The following COMMD10 variants were observed in gnomAD, a reference collection of about 807,000 sequenced individuals.
The protein encoded by COMMD10 is COMM domain containing 10.
In COMMD10, 33 loss-of-function variants were observed where a neutral mutation model predicts 28.9. The ratio of observed to expected loss-of-function variants is 1.14; its 90% CI spans 0.87 to 1.53. The LOEUF (loss-of-function observed/expected upper bound fraction) is 1.53. COMMD10 is among the 40% of genes most tolerant of loss of function. The pLI is 0.00. For synonymous variants in COMMD10, 110 were observed against 81.7 expected (o/e 1.35, Z -1.87); for missense variants, 310 against 233.4 (o/e 1.33, Z -2.14).
chr5:116,179,612 G>C (rs1747877681), intron 5 of COMMD10, among the ~76,000 whole-genome samples: 1 of 152,116 alleles, frequency 6.6e-6, no homozygotes, highest in Non-Finnish European at 1.5e-5. Flanking sequence ...CCTAATGAGA[G>C]TAGAAGGTAT....
chr5:116,256,736 CAT>C (rs1750297758), intron 5 of COMMD10, among the ~76,000 whole-genome samples: 1 of 151,698 alleles, frequency 6.6e-6, no homozygotes, highest in Non-Finnish European at 1.5e-5. Flanking sequence ...ATATCATAAA[CAT>C]ATAGGTTGAA....
At chr5:116,122,746 G>A (rs1408670058) in intron 4 of COMMD10, among the ~76,000 whole-genome samples, 3 of 152,114 alleles carry the variant, frequency 2.0e-5, no homozygotes, top group African/African-American at 7.2e-5. Context: ...TGAAGCAATT[G>A]TGAATGGGAG....
chr5:116,143,702 A>C (rs989160477), intron 5 of COMMD10, among the ~76,000 whole-genome samples: 2 of 151,900 alleles, frequency 1.3e-5, no homozygotes, highest in African/African-American at 4.8e-5. Context: ...AAGTATTAAC[A>C]ATGAATTAGA....
intron 5 of COMMD10, among the ~76,000 whole-genome samples, chr5:116,254,802 T>C (rs1325731158): frequency 2.0e-5 from 3 of 151,662 alleles, no homozygotes; most frequent in Admixed American, 6.6e-5. Flanking sequence ...GTTCTGTAGA[T>C]GTCTATTAGG....
At chr5:116,114,775 G>A (rs918673579) in intron 4 of COMMD10, among the ~76,000 whole-genome samples, 5 of 152,166 alleles carry the variant, frequency 3.3e-5, no homozygotes, top group Admixed American at 1.3e-4. Context: ...CTCAGTCCTG[G>A]TGGGGCTTCC....
At chr5:116,248,522 G>C (rs766923207) in intron 5 of COMMD10, among the ~76,000 whole-genome samples, 1 of 151,900 alleles carries the variant, frequency 6.6e-6, no homozygotes, top group Non-Finnish European at 1.5e-5. Flanking sequence ...CCCTAGTTAG[G>C]TATCAAAATA....
At chr5:116,207,274 T>C (rs77269324) in intron 5 of COMMD10, among the ~76,000 whole-genome samples, 2,278 of 152,294 alleles carry the variant, frequency 0.015, 54 homozygotes, top group African/African-American at 0.048. Context: ...TATATCAATA[T>C]GAACTGCATT....
intron 5 of COMMD10, among the ~76,000 whole-genome samples, chr5:116,219,069 G>C (rs1749177050): frequency 6.6e-6 from 1 of 152,112 alleles, no homozygotes; most frequent in African/African-American, 2.4e-5. Flanking sequence ...CTTTAATAGA[G>C]AAAACCTATG....
chr5:116,089,699 G>T (rs6896147), intron 2 of COMMD10, among the ~76,000 whole-genome samples: 1 of 152,042 alleles, frequency 6.6e-6, no homozygotes, highest in African/African-American at 2.4e-5. Context: ...GTGGAGAGGA[G>T]AAGAGGTGCT....
intron 4 of COMMD10, among the ~76,000 whole-genome samples, chr5:116,102,763 C>T (rs7442623): frequency 0.51 from 77,657 of 151,738 alleles, 22,129 homozygotes; most frequent in Non-Finnish European, 0.65. Flanking sequence ...GTTTGCTGCA[C>T]CCATCAACCC....
chr5:116,113,406 G>C (rs1751126025), intron 4 of COMMD10, among the ~76,000 whole-genome samples: 1 of 134,406 alleles, frequency 7.4e-6, no homozygotes, highest in African/African-American at 2.9e-5. Flanking sequence ...GATTTTTGAT[G>C]TTTCTGTCCC....
At position 116,211,399 on chromosome 5, in the gene COMMD10, T is replaced by A. The variant is rs552592237; in HGVS notation, c.510+77221T>A. On this transcript the variant is annotated intron_variant, in intron 5 of 6. Transcript: ENST00000274458. ...CTGTGCTGAATACTATAGGCAATTG[T>A]AAAACAGTGGTAAGTATTTGTATAT... 3.3e-5 allele frequency among the ~76,000 whole-genome samples: 5 copies of A among 152,234 alleles called. No individual in the cohort carries two copies. In the South Asian group the frequency reaches 1.0e-3, roughly 32 times the overall value.
intron 4 of COMMD10, among the ~76,000 whole-genome samples, chr5:116,133,091 T>C (rs1383155970): frequency 3.3e-5 from 5 of 152,152 alleles, no homozygotes; most frequent in Non-Finnish European, 7.4e-5. Context: ...CAAGGAAAAA[T>C]TGTGAGCCTG....
chr5:116,248,980 G>C (rs933245339), intron 5 of COMMD10, among the ~76,000 whole-genome samples: 1 of 151,912 alleles, frequency 6.6e-6, no homozygotes, highest in Non-Finnish European at 1.5e-5. Context: ...ACAGTAAATG[G>C]TACTGTGCCC....
intron 4 of COMMD10, among the ~76,000 whole-genome samples, chr5:116,108,931 TCC>T: frequency 6.6e-6 from 1 of 152,060 alleles, no homozygotes; most frequent in Non-Finnish European, 1.5e-5. Flanking sequence ...TCTTACGGCT[TCC>T]CTTGGCTGGG....
At chr5:116,165,155 G>GAAA (rs1434006108) in intron 5 of COMMD10, among the ~76,000 whole-genome samples, 1 of 152,198 alleles carries the variant, frequency 6.6e-6, no homozygotes, top group Non-Finnish European at 1.5e-5. Context: ...ATTGAGCAAT[G>GAAA]AAAAGGAATT....
chr5:116,111,337 T>C (rs1181161119), intron 4 of COMMD10, among the ~76,000 whole-genome samples: 2 of 152,166 alleles, frequency 1.3e-5, no homozygotes, highest in Non-Finnish European at 2.9e-5. Flanking sequence ...CTTGCTTTTC[T>C]AGTTCCTTTA....
At chr5:116,169,407 T>A (rs769239238) in intron 5 of COMMD10, among the ~76,000 whole-genome samples, 5 of 152,254 alleles carry the variant, frequency 3.3e-5, no homozygotes, top group Non-Finnish European at 5.9e-5. Flanking sequence ...ATAGCTGAAT[T>A]CTACCAGAGA....
chr5:116,122,850 T>G (rs1289391157), intron 4 of COMMD10, among the ~76,000 whole-genome samples: 1 of 152,212 alleles, frequency 6.6e-6, no homozygotes, highest in Non-Finnish European at 1.5e-5. Flanking sequence ...TTTGCTGAAA[T>G]TGCTTATCAG....
Sources: gnomAD v4.1 joint callset for allele counts (sites outside exome capture counted in the v4.1 genomes callset) on GRCh38, gnomAD v4.1.1 for gene constraint, MANE v1.5 for transcripts, NCBI Gene and HGNC (gene_info 2026-07-23, HGNC 2026-07-21) for gene names.